The following NEK1 variants were observed in gnomAD, a reference collection of about 807,000 sequenced individuals.
NEK1 encodes the protein serine/threonine-protein kinase Nek1.
NEK1 carries 137 observed loss-of-function variants against 182.1 expected under a neutral mutation model. The ratio of observed to expected loss-of-function variants is 0.75; its 90% CI spans 0.65 to 0.87. NEK1 has a LOEUF of 0.87. Among genes scored for constraint, NEK1 ranks in the 40% least tolerant of loss-of-function variants. The pLI, the probability that NEK1 is intolerant of heterozygous loss-of-function variation, is 0.00. For synonymous variants in NEK1, 513 were observed against 492.2 expected (o/e 1.04, Z -0.56); for missense variants, 1,391 against 1,494.4 (o/e 0.93, Z 1.14).
intron 19 of NEK1, among the ~76,000 whole-genome samples, chr4:169,531,649 G>C (rs1459295896): frequency 6.6e-6 from 1 of 152,054 alleles, no homozygotes; most frequent in South Asian, 2.1e-4. Flanking sequence ...TGAAACCAGA[G>C]AAACAGACAT....
intron 19 of NEK1, among the ~76,000 whole-genome samples, chr4:169,527,008 G>T (rs970723235): frequency 6.6e-6 from 1 of 152,102 alleles, no homozygotes; most frequent in Non-Finnish European, 1.5e-5. Context: ...TCCATTTCCA[G>T]AGATGACTTA....
intron 27 of NEK1, among the ~76,000 whole-genome samples, chr4:169,455,847 A>G (rs1177370500): frequency 6.6e-6 from 1 of 152,212 alleles, no homozygotes; most frequent in Non-Finnish European, 1.5e-5. Flanking sequence ...CTTCATCTGT[A>G]TTGTAGACCA....
At chr4:169,426,028 AT>A in intron 30 of NEK1, 117 bp downstream of exon 30, 2 of 715,292 alleles carry the variant, frequency 2.8e-6, no homozygotes, top group Non-Finnish European at 4.7e-6. Flanking sequence ...TTTTTAAATG[AT>A]TGAGATGACT....
At chr4:169,543,798 T>C (rs1194195320) in intron 18 of NEK1, among the ~76,000 whole-genome samples, 1 of 152,206 alleles carries the variant, frequency 6.6e-6, no homozygotes, top group East Asian at 1.9e-4. Flanking sequence ...GTTATTGCTG[T>C]ATAGGGATGC....
At chr4:169,499,813 G>A (rs574852501) in intron 23 of NEK1, among the ~76,000 whole-genome samples, 287 of 152,292 alleles carry the variant, frequency 1.9e-3, no homozygotes, top group African/African-American at 6.8e-3. Flanking sequence ...TGCCCCTACT[G>A]GGGGGTGCCT....
intron 23 of NEK1, among the ~76,000 whole-genome samples, chr4:169,497,520 C>T (rs1462415336): frequency 6.6e-6 from 1 of 152,134 alleles, no homozygotes; most frequent in Non-Finnish European, 1.5e-5. Context: ...TAGATCTTTC[C>T]TGCTTTCTCT....
intron 28 of NEK1, among the ~76,000 whole-genome samples, chr4:169,435,078 T>A (rs900947789): frequency 6.9e-4 from 105 of 152,228 alleles, no homozygotes; most frequent in African/African-American, 2.5e-3. Flanking sequence ...TTCAGGCTAC[T>A]ATAACAGAGT....
intron 8 of NEK1, 23 bp downstream of exon 8, chr4:169,588,626 A>G: frequency 7.1e-7 from 1 of 1,399,752 alleles, no homozygotes; most frequent in Non-Finnish European, 9.9e-7. Context: ...AATACATCAC[A>G]TAATGAATAT....
At chr4:169,493,352 A>C (rs972999744) in intron 23 of NEK1, among the ~76,000 whole-genome samples, 1 of 152,342 alleles carries the variant, frequency 6.6e-6, no homozygotes, top group South Asian at 2.1e-4. Context: ...GATGAGAAGG[A>C]ATCAGTGAAA....
At chr4:169,592,707 A>G (rs1173228609) in intron 5 of NEK1, among the ~76,000 whole-genome samples, 1 of 152,026 alleles carries the variant, frequency 6.6e-6, no homozygotes, top group Non-Finnish European at 1.5e-5. Flanking sequence ...TTAAAAAAAA[A>G]AAAAACTCTC....
At chr4:169,433,767 TA>T in intron 28 of NEK1, 102 bp from the exon 29 acceptor site, 1 of 1,166,452 alleles carries the variant, frequency 8.6e-7, no homozygotes, top group Non-Finnish European at 1.2e-6. Context: ...TTTAGGGTAA[TA>T]TATTCATTAA....
At chr4:169,427,579 C>T (rs1032558678) in intron 29 of NEK1, among the ~76,000 whole-genome samples, 2 of 151,980 alleles carry the variant, frequency 1.3e-5, no homozygotes, top group Non-Finnish European at 2.9e-5. Flanking sequence ...ACTGCCGCCT[C>T]CTCCTCCCAG....
At chr4:169,406,939 C>G (rs1160464587) in intron 31 of NEK1, among the ~76,000 whole-genome samples, 192 bp from the exon 32 acceptor site, 1 of 151,490 alleles carries the variant, frequency 6.6e-6, no homozygotes, top group Non-Finnish European at 1.5e-5. Context: ...CTAGAGGATC[C>G]AAAGGTGACT....
chr4:169,543,319 G>A (rs1759784090), intron 18 of NEK1, among the ~76,000 whole-genome samples: 1 of 152,040 alleles, frequency 6.6e-6, no homozygotes. Flanking sequence ...TATTTCTAAG[G>A]CCTCTGTTCT....
In NEK1 at chr4:169,545,149, C is replaced by T. The variant is rs189472376; in HGVS notation, c.1563-7238G>A. ...ACATGTGCCATGCTGGTGCGCTGCA[C>T]CCACTAACTCGTCATCTAGCCTTAG... On this transcript the variant is annotated intron_variant, in intron 18 of 35. Coordinates refer to ENST00000507142, the MANE Select transcript of NEK1 (RefSeq NM_001199397.3). Among the ~76,000 whole-genome samples the T allele has an allele frequency of 2.8e-3, 424 of 150,038 alleles. 1 individual carries two copies. Among genetic ancestry groups the T allele is most frequent in the African/African-American group, 9.6e-3 (393 of 40,776 alleles).
rs137904860 is a variant in NEK1 at position 169,602,419 on chromosome 4, C to T, written c.117+95G>A. On this transcript the variant is annotated intron_variant, in intron 3 of 35. Coordinates refer to ENST00000507142, the MANE Select transcript of NEK1 (RefSeq NM_001199397.3). Reference sequence around the variant, plus strand: ...AAAGGAGTCTTTTGCTTTAGGTTATCGATTACTTTTTTTTTTTTTTAAAGA... The same window carrying T: ...AAAGGAGTCTTTTGCTTTAGGTTATTGATTACTTTTTTTTTTTTTTAAAGA... The T allele has an allele frequency of 5.6e-3, 4,092 of 728,784 alleles. 39 individuals carry two copies. Among genetic ancestry groups the T allele is most frequent in the Middle Eastern group, 0.021 (59 of 2,814 alleles). The allele number at this position is 728,784 out of a possible 1,614,324, so 45.1% of individuals were successfully genotyped here.
chr4:169,499,840 G>A (rs1157965715), intron 23 of NEK1, among the ~76,000 whole-genome samples: 1 of 152,194 alleles, frequency 6.6e-6, no homozygotes, highest in Non-Finnish European at 1.5e-5. Flanking sequence ...TAGGCTACTC[G>A]GGGGTCAGGG....
chr4:169,504,145 CAG>C (rs1221630512), intron 23 of NEK1, among the ~76,000 whole-genome samples: 2 of 152,098 alleles, frequency 1.3e-5, no homozygotes, highest in African/African-American at 4.8e-5. Flanking sequence ...CACTGATCAT[CAG>C]AGAAATACAA....
At chr4:169,587,446 G>A in intron 9 of NEK1, 113 bp downstream of exon 9, 1 of 597,516 alleles carries the variant, frequency 1.7e-6, no homozygotes. Flanking sequence ...GGACTTAGAG[G>A]AGAATTTCTA....
Sources: allele counts gnomAD v4.1 joint callset (sites outside exome capture counted in the v4.1 genomes callset), GRCh38; gene constraint gnomAD v4.1.1; transcripts MANE v1.5; gene names NCBI Gene and HGNC (gene_info 2026-07-23, HGNC 2026-07-21).